The following SCMH1 variants were observed in gnomAD, a reference collection of about 807,000 sequenced individuals.
SCMH1 encodes polycomb protein SCMH1.
Under a neutral mutation model 70.8 loss-of-function variants are expected in SCMH1, and 37 were observed. The observed-to-expected ratio is 0.52, with a 90% CI of 0.40 to 0.69. The LOEUF is 0.69. Among genes scored for constraint, SCMH1 ranks in the 30% least tolerant of loss-of-function variants. SCMH1 has a pLI of 0.00. For missense variants in SCMH1, 607 were observed against 827.3 expected (o/e 0.73, Z 3.27); for synonymous variants, 292 against 307.4 (o/e 0.95, Z 0.52).
chr1:41,200,314 A>G (rs1333560889), intron 1 of SCMH1, among the ~76,000 whole-genome samples: 1 of 151,828 alleles, frequency 6.6e-6, no homozygotes, highest in Non-Finnish European at 1.5e-5. Context: ...CGTCTCTACT[A>G]AAAATACAAA....
chr1:41,034,300 C>T lies in SCMH1; in HGVS notation c.1678+3062G>A, dbSNP rs562262764. Among the ~76,000 whole-genome samples the T allele has an allele frequency of 1.3e-4, 19 of 151,832 alleles. No homozygotes were observed. The South Asian group carries it at 3.8e-3, about 30-fold the overall frequency. On this transcript the variant is annotated intron_variant, in intron 13 of 14. Coordinates refer to ENST00000337495, the Ensembl canonical transcript of SCMH1. ...ATGATTCAGCCTTCCTGAAAGCTCTCTCCGCTGAGGTGACTTTTTTTCTTT... is the reference window on the plus strand; with the variant it reads ...ATGATTCAGCCTTCCTGAAAGCTCTTTCCGCTGAGGTGACTTTTTTTCTTT...
intron 2 of SCMH1, among the ~76,000 whole-genome samples, chr1:41,174,608 T>A (rs1029973389): frequency 5.3e-5 from 8 of 151,966 alleles, no homozygotes; most frequent in African/African-American, 9.7e-5. Flanking sequence ...GAAAAAAAAA[T>A]TGAATAGATA....
At chr1:41,174,793 T>C (rs1423663171) in intron 2 of SCMH1, among the ~76,000 whole-genome samples, 2 of 152,240 alleles carry the variant, frequency 1.3e-5, no homozygotes, top group Non-Finnish European at 2.9e-5. Flanking sequence ...AAAAGTTGTA[T>C]TGACTTTATA....
At chr1:41,232,503 A>G (rs1573283873) in intron 1 of SCMH1, among the ~76,000 whole-genome samples, 1 of 152,212 alleles carries the variant, frequency 6.6e-6, no homozygotes, top group African/African-American at 2.4e-5. Flanking sequence ...TCTCAGAATT[A>G]CATAACACTG....
intron 2 of SCMH1, among the ~76,000 whole-genome samples, chr1:41,180,656 C>CT (rs997683459): frequency 6.6e-6 from 1 of 152,104 alleles, no homozygotes; most frequent in Non-Finnish European, 1.5e-5. Context: ...TGAAGGAGCT[C>CT]TTTAAGGAGA....
intron 8 of SCMH1, among the ~76,000 whole-genome samples, chr1:41,101,169 T>C (rs1407459474): frequency 2.0e-5 from 3 of 152,098 alleles, no homozygotes; most frequent in Non-Finnish European, 2.9e-5. Context: ...TTAGAGCCAA[T>C]GGATAGATAC....
intron 7 of SCMH1, among the ~76,000 whole-genome samples, chr1:41,115,189 T>C (rs1217999531): frequency 1.3e-5 from 2 of 152,252 alleles, no homozygotes; most frequent in Non-Finnish European, 2.9e-5. Flanking sequence ...ACTTATTCGA[T>C]ACTGATTATT....
At chr1:41,238,991 A>G (rs1305636325) in intron 1 of SCMH1, among the ~76,000 whole-genome samples, 2 of 152,128 alleles carry the variant, frequency 1.3e-5, no homozygotes, top group African/African-American at 2.4e-5. Context: ...CTGCACATAC[A>G]ATCAATCATT....
At chr1:41,195,704 G>A (rs1050673078) in intron 1 of SCMH1, among the ~76,000 whole-genome samples, 1 of 152,106 alleles carries the variant, frequency 6.6e-6, no homozygotes, top group South Asian at 2.1e-4. Flanking sequence ...AGTACTGGAA[G>A]TTCTAGCTAA....
chr1:41,228,822 A>C (rs1026796020), intron 1 of SCMH1, among the ~76,000 whole-genome samples: 1 of 152,188 alleles, frequency 6.6e-6, no homozygotes, highest in African/African-American at 2.4e-5. Context: ...TTTAACCCTG[A>C]AAGCAACGTG....
At chr1:41,084,383 C>T (rs1469778753) in intron 8 of SCMH1, among the ~76,000 whole-genome samples, 2 of 152,248 alleles carry the variant, frequency 1.3e-5, no homozygotes, top group East Asian at 1.9e-4. Context: ...AAAATGCTCA[C>T]CATCACTGGC....
chr1:41,176,324 C>T (rs1048539962), intron 2 of SCMH1, among the ~76,000 whole-genome samples: 5 of 152,116 alleles, frequency 3.3e-5, no homozygotes, highest in South Asian at 2.1e-4. Context: ...CCAGCATGAG[C>T]GACACAGAAG....
chr1:41,097,661 A>C (rs1367920388), intron 8 of SCMH1, among the ~76,000 whole-genome samples: 1 of 152,072 alleles, frequency 6.6e-6, no homozygotes, highest in Non-Finnish European at 1.5e-5. Context: ...CCACTCAAAT[A>C]CCACTGCCTC....
At chr1:41,117,390 C>T (rs558459217) in intron 6 of SCMH1, among the ~76,000 whole-genome samples, 4 of 152,162 alleles carry the variant, frequency 2.6e-5, no homozygotes, top group Non-Finnish European at 5.9e-5. Flanking sequence ...CTTGGTCTAG[C>T]GGTAACACCA....
intron 13 of SCMH1, among the ~76,000 whole-genome samples, chr1:41,037,051 A>AT (rs946377383): frequency 6.6e-5 from 10 of 152,182 alleles, no homozygotes; most frequent in Non-Finnish European, 1.3e-4. Context: ...AAAGTGACTG[A>AT]TTTTTGCTTC....
At chr1:41,162,618 G>A (rs1646129662) in intron 2 of SCMH1, among the ~76,000 whole-genome samples, 1 of 152,026 alleles carries the variant, frequency 6.6e-6, no homozygotes, top group Admixed American at 6.5e-5. Flanking sequence ...TCTTTGCTGA[G>A]AGCTGCAGAG....
At chr1:41,198,148 T>C (rs1166264163) in intron 1 of SCMH1, among the ~76,000 whole-genome samples, 3 of 152,172 alleles carry the variant, frequency 2.0e-5, no homozygotes, top group African/African-American at 2.4e-5. Flanking sequence ...GTCTGATATA[T>C]AGAGGGTGCT....
intron 8 of SCMH1, among the ~76,000 whole-genome samples, chr1:41,091,767 C>A (rs574760301): frequency 4.8e-4 from 73 of 152,276 alleles, no homozygotes; most frequent in Non-Finnish European, 8.7e-4. Context: ...AACTCCCAAT[C>A]ACAATTGCTT....
At chr1:41,186,406 C>G (rs1650210470) in intron 1 of SCMH1, among the ~76,000 whole-genome samples, 156 bp from the exon 2 acceptor site, 1 of 152,140 alleles carries the variant, frequency 6.6e-6, no homozygotes, top group Non-Finnish European at 1.5e-5. Flanking sequence ...TTGCAAAGTA[C>G]CTTACAGCAA....
Sources: allele counts gnomAD v4.1 joint callset (sites outside exome capture counted in the v4.1 genomes callset), GRCh38; gene constraint gnomAD v4.1.1; transcripts MANE v1.5; gene names NCBI Gene and HGNC (gene_info 2026-07-23, HGNC 2026-07-21).